The following PTGR1 variants were observed in gnomAD, a reference collection of about 807,000 sequenced individuals.
The protein encoded by PTGR1 is prostaglandin reductase 1.
In PTGR1, 23 loss-of-function variants were observed where a neutral mutation model predicts 37.7. The observed-to-expected ratio is 0.61, with a 90% confidence interval of 0.44 to 0.86. The LOEUF is 0.86. Among genes scored for constraint, PTGR1 ranks in the 40% least tolerant of loss-of-function variants. The pLI is 0.00. For missense variants in PTGR1, 351 were observed against 394.3 expected, an observed-to-expected ratio of 0.89 and a Z score of 0.93; for synonymous variants, 134 against 140.0, an observed-to-expected ratio of 0.96 and a Z score of 0.30.
At chr9:111,555,929 A>C (rs187314377) in intron 9 of PTGR1, among the ~76,000 whole-genome samples, 4 of 152,286 alleles carry the variant, frequency 2.6e-5, no homozygotes, top group African/African-American at 4.8e-5. Context: ...ACAGTCCCTT[A>C]AAGTCTTAAC....
chr9:111,571,337 G>A (rs1440367836), intron 8 of PTGR1, among the ~76,000 whole-genome samples: 2 of 149,606 alleles, frequency 1.3e-5, no homozygotes, highest in African/African-American at 2.4e-5. Flanking sequence ...GCTTGAAGTC[G>A]GAAGGGGACT....
chr9:111,564,720 A>G (rs2132322807), intron 9 of PTGR1, among the ~76,000 whole-genome samples: 1 of 152,304 alleles, frequency 6.6e-6, no homozygotes, highest in South Asian at 2.1e-4. Flanking sequence ...TAGAGAACGA[A>G]TACTGTTATG....
downstream of PTGR1, among the ~76,000 whole-genome samples, chr9:111,560,706 G>A (rs1267972553): frequency 1.4e-5 from 2 of 147,824 alleles, no homozygotes; most frequent in Admixed American, 6.8e-5. Context: ...CACTTTGGGA[G>A]GCCGAGGTGG....
At chr9:111,550,485 G>A (rs1336473527) in intron 9 of PTGR1, among the ~76,000 whole-genome samples, 1 of 152,180 alleles carries the variant, frequency 6.6e-6, no homozygotes, top group Non-Finnish European at 1.5e-5. Context: ...ATGGGTAGCT[G>A]CTACTTCACT....
chr9:111,591,911 C>G (rs1016726706), intron 4 of PTGR1, among the ~76,000 whole-genome samples: 2 of 152,206 alleles, frequency 1.3e-5, no homozygotes, highest in African/African-American at 4.8e-5. Context: ...AATGAGCCAA[C>G]AGCGTGTGAT....
intron 9 of PTGR1, among the ~76,000 whole-genome samples, chr9:111,551,131 TTTAC>T (rs916860456): frequency 9.2e-5 from 14 of 152,328 alleles, no homozygotes; most frequent in African/African-American, 3.4e-4. Context: ...AAAAATGTAT[TTTAC>T]TTCACCCAAT....
chr9:111,581,354 G>A (rs59893517), intron 6 of PTGR1, among the ~76,000 whole-genome samples: 21,332 of 152,032 alleles, frequency 0.14, 1,762 homozygotes, highest in East Asian at 0.25. Flanking sequence ...AATAGAAGAA[G>A]AAAACTGTTC....
intron 6 of PTGR1, among the ~76,000 whole-genome samples, chr9:111,579,712 CCTT>C (rs1221246106): frequency 2.0e-5 from 3 of 152,274 alleles, no homozygotes; most frequent in African/African-American, 7.2e-5. Context: ...CCTGCCTCAG[CCTT>C]CTAAAGTGCT....
chr9:111,583,487 C>G lies in PTGR1; in HGVS notation c.480G>C (p.Gln160His), dbSNP rs764897605. 6.2e-7 allele frequency: 1 copy of G among 1,611,156 alleles called. No homozygotes were observed. The highest frequency in any genetic ancestry group is 1.7e-4 in the Middle Eastern group (1 of 6,060). Residue 160 changes from glutamine (Q) to histidine (H), a missense_variant, in exon 6 of 10, where the codon CAG becomes CAC. Physicochemically the swap from Gln to His is conservative, Grantham distance 24. Transcript: ENST00000407693. Reference sequence around the variant, plus strand: ...AGGCACTTACCTTGAGCTTTGCAATCTGCCCCACGACTGAGCCCACAGCTC... The same window carrying G: ...AGGCACTTACCTTGAGCTTTGCAATGTGCCCCACGACTGAGCCCACAGCTC... ...AAGAVGSVVG[Q>H]IAKLKGCKVV...
chr9:111,595,973 G>A (rs1294956398), intron 2 of PTGR1, among the ~76,000 whole-genome samples: 1 of 152,004 alleles, frequency 6.6e-6, no homozygotes, highest in East Asian at 1.9e-4. Flanking sequence ...ATAGCTACTG[G>A]GCAGTGCTTA....
chr9:111,587,821 C>T (rs928768176), intron 4 of PTGR1, among the ~76,000 whole-genome samples: 7 of 152,068 alleles, frequency 4.6e-5, no homozygotes, highest in African/African-American at 9.7e-5. Flanking sequence ...GTCAACATTA[C>T]GTTGGTCTAT....
downstream of PTGR1, among the ~76,000 whole-genome samples, chr9:111,562,276 C>CTTT (rs35900341): frequency 6.4e-5 from 9 of 140,490 alleles, no homozygotes; most frequent in Non-Finnish European, 6.2e-5. Context: ...AAGCAGTAAA[C>CTTT]TTTTTTTTTT....
At chr9:111,585,390 C>T (rs937466107) in intron 5 of PTGR1, among the ~76,000 whole-genome samples, 2 of 151,982 alleles carry the variant, frequency 1.3e-5, no homozygotes, top group African/African-American at 2.4e-5. Flanking sequence ...AGCAGGATAA[C>T]GAAGGAGGAG....
At chr9:111,583,833 G>GTCCAT (rs1829352647) in intron 5 of PTGR1, among the ~76,000 whole-genome samples, 1 of 152,194 alleles carries the variant, frequency 6.6e-6, no homozygotes, top group South Asian at 2.1e-4. Flanking sequence ...GCTGTATCCT[G>GTCCAT]TCCATTCACA....
intron 6 of PTGR1, among the ~76,000 whole-genome samples, chr9:111,579,686 G>A (rs892355482): frequency 6.6e-6 from 1 of 151,990 alleles, no homozygotes; most frequent in East Asian, 1.9e-4. Flanking sequence ...TTGAACTCCT[G>A]GGCTCAAGTG....
At position 111,594,244 on chromosome 9, in the gene PTGR1, G is replaced by A. The variant is rs898685545; in HGVS notation, c.130C>T (p.Leu44Phe). Reference sequence around the variant, plus strand: ...TACCTCATGTAGGGATCCACGGTGAGGAACAAAGCTTCAAGCAGGACCTCT... The same window carrying A: ...TACCTCATGTAGGGATCCACGGTGAAGAACAAAGCTTCAAGCAGGACCTCT... ...NGEVLLEALF[L>F]TVDPYMRVAA... Residue 44 changes from leucine (L) to phenylalanine (F), a missense_variant, in exon 3 of 10, where the codon CTC becomes TTC. Coordinates refer to ENST00000407693, the MANE Select transcript of PTGR1 (RefSeq NM_001146108.2). 6.2e-7 allele frequency: 1 copy of A among 1,613,690 alleles called. No individual in the cohort carries two copies. The highest frequency in any genetic ancestry group is 1.7e-5 in the Admixed American group (1 of 60,004).
chr9:111,576,654 A>T, intron 7 of PTGR1: 1 of 479,986 alleles, frequency 2.1e-6, no homozygotes, highest in Non-Finnish European at 3.7e-6. Context: ...TTCAGATTAT[A>T]GTCTATGTGA....
chr9:111,564,890 G>A (rs185825769), intron 9 of PTGR1, among the ~76,000 whole-genome samples: 63 of 152,164 alleles, frequency 4.1e-4, no homozygotes, highest in African/African-American at 1.5e-3. Context: ...TTGGGAGGCT[G>A]AGGCGGGTGG....
chr9:111,564,824 A>T (rs967841766), intron 9 of PTGR1, among the ~76,000 whole-genome samples: 4 of 151,950 alleles, frequency 2.6e-5, no homozygotes, highest in Admixed American at 6.6e-5. Context: ...AGGGCTTTTT[A>T]AAAAAAGGTA....
Sources: allele counts gnomAD v4.1 joint callset (sites outside exome capture counted in the v4.1 genomes callset), GRCh38; gene constraint gnomAD v4.1.1; transcripts MANE v1.5; gene names NCBI Gene and HGNC (gene_info 2026-07-23, HGNC 2026-07-21).